ARID5B: variants seen among roughly 807,000 people sequenced by gnomAD.
The protein encoded by ARID5B is AT-rich interaction domain 5B, also known as AT-rich interactive domain-containing protein 5B.
A neutral mutation model predicts 97.2 loss-of-function variants in ARID5B; 13 were observed. The ratio of observed to expected loss-of-function variants is 0.13; its 90% confidence interval spans 0.09 to 0.21. ARID5B has a LOEUF of 0.21. ARID5B is among the 10% of genes least tolerant of loss of function. The pLI is 1.00. For synonymous variants in ARID5B, 556 were observed against 570.3 expected (o/e 0.97, Z 0.36); for missense variants, 1,210 against 1,465.3 (o/e 0.83, Z 2.84).
intron 2 of ARID5B, among the ~76,000 whole-genome samples, chr10:61,915,615 A>G (rs1843887941): frequency 6.6e-6 from 1 of 152,152 alleles, no homozygotes; most frequent in African/African-American, 2.4e-5. Flanking sequence ...TGGTCTAGGT[A>G]TCATCTAGAC....
At position 61,936,778 on chromosome 10, in the gene ARID5B, C is replaced by T. The variant is rs1844308554; in HGVS notation, c.277-3405C>T. Among the ~76,000 whole-genome samples, 9 of 145,194 alleles carry T rather than the reference C, an allele frequency of 6.2e-5. No individual in the cohort carries two copies. In the South Asian group the frequency reaches 1.9e-3, roughly 31 times the overall value. ...CTTCATTTGTATCAACCCATTGAGT[C>T]CTGGCAATTACTGCTGGACAAGGCA... On this transcript the variant is annotated intron_variant, in intron 2 of 9. Transcript: ENST00000279873.
chr10:61,981,359 G>A (rs1006848903), intron 3 of ARID5B, among the ~76,000 whole-genome samples: 6 of 152,100 alleles, frequency 3.9e-5, no homozygotes, highest in Non-Finnish European at 8.8e-5. Context: ...TCCACTCACC[G>A]CAATCTCTGC....
chr10:62,012,976 A>G (rs1030226980), intron 4 of ARID5B, among the ~76,000 whole-genome samples: 1 of 152,200 alleles, frequency 6.6e-6, no homozygotes, highest in Non-Finnish European at 1.5e-5. Flanking sequence ...ATCTTTATAC[A>G]TAAAAGCATC....
chr10:61,911,623 A>G (rs1328443554), intron 2 of ARID5B, among the ~76,000 whole-genome samples: 2 of 152,180 alleles, frequency 1.3e-5, no homozygotes, highest in Non-Finnish European at 2.9e-5. Flanking sequence ...CATTTGATTT[A>G]ACATCTTTCT....
chr10:61,953,119 T>A (rs545814157), intron 3 of ARID5B, among the ~76,000 whole-genome samples: 2 of 152,316 alleles, frequency 1.3e-5, no homozygotes, highest in Admixed American at 1.3e-4. Context: ...CGTTTTAATC[T>A]TCGCCTCCCT....
At chr10:62,080,626 A>C (rs988085052) in intron 8 of ARID5B, among the ~76,000 whole-genome samples, 1 of 152,180 alleles carries the variant, frequency 6.6e-6, no homozygotes, top group Non-Finnish European at 1.5e-5. Context: ...CATACTTCAC[A>C]GTAAAGTTAT....
At position 62,092,806 on chromosome 10, in the gene ARID5B, C is replaced by T; in HGVS notation, c.3343C>T (p.Leu1115Phe). 1 of 1,614,228 alleles carries T rather than the reference C, an allele frequency of 6.2e-7. No individual in the cohort carries two copies. Among genetic ancestry groups the T allele is most frequent in the Non-Finnish European group, 8.5e-7 (1 of 1,180,022 alleles). The change falls in exon 10 of 10, where the codon CTC (leucine) becomes TTC (phenylalanine). Residue 1115 changes from leucine to phenylalanine, a missense_variant. Leu to Phe is a conservative substitution (Grantham distance 22). Coordinates refer to ENST00000279873, the MANE Select transcript of ARID5B (RefSeq NM_032199.3). ...GAAAAACCAGACTGTGCTTTCTCCA[C>T]TCATGCAGCCCCTGGCTTTCCACTC... is the stretch of plus-strand genomic sequence containing the variant. ...YLKNQTVLSP[L>F]MQPLAFHSLV...
intron 4 of ARID5B, among the ~76,000 whole-genome samples, chr10:62,042,445 T>A (rs1254492221): frequency 2.0e-5 from 3 of 152,004 alleles, no homozygotes; most frequent in Non-Finnish European, 2.9e-5. Context: ...CCACTTTTGG[T>A]TTTACTGAAT....
At chr10:62,049,586 G>A (rs945833647) in intron 4 of ARID5B, 40 of 1,462,524 alleles carry the variant, frequency 2.7e-5, no homozygotes, top group Middle Eastern at 1.7e-4. Flanking sequence ...CAGCGTTTAG[G>A]GGAATGAGAG....
chr10:61,938,964 AGTGTGTGTGTGTGTGT>A (rs60329829), intron 2 of ARID5B, among the ~76,000 whole-genome samples: 23 of 125,196 alleles, frequency 1.8e-4, no homozygotes, highest in African/African-American at 5.2e-4. Flanking sequence ...GAATTGGAGA[AGTGTGTGTGTGTGTGT>A]GTGTGTGTGT....
intron 4 of ARID5B, among the ~76,000 whole-genome samples, chr10:62,022,194 A>G (rs1839365264): frequency 6.6e-6 from 1 of 152,142 alleles, no homozygotes; most frequent in African/African-American, 2.4e-5. Context: ...CTTTCTGGAG[A>G]TTGCAAAACC....
chr10:61,978,591 T>A (rs1012847797), intron 3 of ARID5B, among the ~76,000 whole-genome samples: 1 of 152,294 alleles, frequency 6.6e-6, no homozygotes, highest in East Asian at 1.9e-4. Flanking sequence ...TTGTAAGTTG[T>A]ATTCCTAGGT....
intron 2 of ARID5B, among the ~76,000 whole-genome samples, chr10:61,911,080 C>T (rs1222722284): frequency 3.9e-5 from 6 of 152,182 alleles, no homozygotes; most frequent in African/African-American, 1.4e-4. Flanking sequence ...CCTTCCACCC[C>T]ATAGTTGAGT....
intron 3 of ARID5B, among the ~76,000 whole-genome samples, chr10:61,940,663 G>A (rs1203595230): frequency 1.3e-5 from 2 of 151,768 alleles, no homozygotes; most frequent in African/African-American, 4.8e-5. Context: ...TTTTCAGTGT[G>A]ATGTCAAGGC....
chr10:62,055,527 A>G lies in ARID5B; in HGVS notation c.847-1590A>G, dbSNP rs1839844719. Among the ~76,000 whole-genome samples the G allele has an allele frequency of 3.3e-5, 5 of 152,218 alleles. No individual in the cohort carries two copies. The South Asian group carries it at 1.0e-3, about 31-fold the overall frequency. On this transcript the variant is annotated intron_variant, in intron 5 of 9. Coordinates refer to ENST00000279873, the MANE Select transcript of ARID5B (RefSeq NM_032199.3). ...TATGATTTCAAGAAGCCATTAAATTATAGATTTCATCAGAACTTTAGATCC... is the reference window on the plus strand; with the variant it reads ...TATGATTTCAAGAAGCCATTAAATTGTAGATTTCATCAGAACTTTAGATCC...
chr10:62,045,866 G>A (rs1225298390), intron 4 of ARID5B, among the ~76,000 whole-genome samples: 1 of 152,188 alleles, frequency 6.6e-6, no homozygotes, highest in African/African-American at 2.4e-5. Flanking sequence ...TGTGATCAGT[G>A]GAGTTTTGTT....
intron 3 of ARID5B, among the ~76,000 whole-genome samples, chr10:61,970,325 G>A (rs1486533814): frequency 2.0e-5 from 3 of 152,200 alleles, no homozygotes; most frequent in African/African-American, 7.2e-5. Flanking sequence ...ATAATCTATG[G>A]GTAGATATAG....
At chr10:62,027,396 T>TCTC (rs1336344831) in intron 4 of ARID5B, among the ~76,000 whole-genome samples, 1 of 139,204 alleles carries the variant, frequency 7.2e-6, no homozygotes, top group Non-Finnish European at 1.5e-5. Context: ...GCAAGCTCCA[T>TCTC]CTCTCGGGTT....
At chr10:61,976,455 T>A (rs1177526942) in intron 3 of ARID5B, among the ~76,000 whole-genome samples, 1 of 152,202 alleles carries the variant, frequency 6.6e-6, no homozygotes, top group Non-Finnish European at 1.5e-5. Context: ...TGTGTATATT[T>A]GCTCCCTAAT....
Sources: allele counts gnomAD v4.1 joint callset (sites outside exome capture counted in the v4.1 genomes callset), GRCh38; gene constraint gnomAD v4.1.1; transcripts MANE v1.5; gene names NCBI Gene and HGNC (gene_info 2026-07-23, HGNC 2026-07-21).